The following ADGRB3 variants were observed in gnomAD, a reference collection of about 807,000 sequenced individuals.
The protein encoded by ADGRB3 is brain-specific angiogenesis inhibitor 3.
ADGRB3 carries 37 observed loss-of-function variants against 193.4 expected under a neutral mutation model. The ratio of observed to expected loss-of-function variants is 0.19; its 90% CI spans 0.15 to 0.25. The LOEUF (loss-of-function observed/expected upper bound fraction) is 0.25. Ranked by LOEUF, ADGRB3 falls within the 10% of genes least tolerant of loss-of-function variation. ADGRB3 has a pLI of 1.00. For missense variants in ADGRB3, 1,637 were observed against 1,852.9 expected, an observed-to-expected ratio of 0.88 and a Z score of 2.14; for synonymous variants, 690 against 644.2, an observed-to-expected ratio of 1.07 and a Z score of -1.08.
chr6:69,303,237 A>G (rs768390767), intron 20 of ADGRB3, among the ~76,000 whole-genome samples: 2 of 151,868 alleles, frequency 1.3e-5, no homozygotes, highest in Non-Finnish European at 2.9e-5. Flanking sequence ...ACTAAAGCAA[A>G]TGGTGGAAGA....
intron 3 of ADGRB3, among the ~76,000 whole-genome samples, chr6:68,726,054 A>G (rs755848485): frequency 6.6e-6 from 1 of 151,592 alleles, no homozygotes; most frequent in Non-Finnish European, 1.5e-5. Context: ...AAAATTCCCC[A>G]TATAATTTCT....
At chr6:69,254,861 C>CA (rs1228077529) in intron 20 of ADGRB3, among the ~76,000 whole-genome samples, 16 of 117,514 alleles carry the variant, frequency 1.4e-4, no homozygotes, top group Non-Finnish European at 2.6e-4. Context: ...TCCCCCCTCC[C>CA]CCCACCCCAC....
At chr6:68,782,092 G>C (rs1030545207) in intron 3 of ADGRB3, among the ~76,000 whole-genome samples, 2 of 149,874 alleles carry the variant, frequency 1.3e-5, no homozygotes, top group African/African-American at 4.9e-5. Context: ...TTTAGCATTA[G>C]GTATATCTCC....
At chr6:69,326,281 AT>A (rs1373715134) in intron 21 of ADGRB3, among the ~76,000 whole-genome samples, 6 of 152,292 alleles carry the variant, frequency 3.9e-5, no homozygotes, top group African/African-American at 1.4e-4. Flanking sequence ...TCTACTTAGA[AT>A]TTCATCAAAT....
chr6:69,174,815 T>C (rs950763423), intron 17 of ADGRB3, among the ~76,000 whole-genome samples: 1 of 152,228 alleles, frequency 6.6e-6, no homozygotes, highest in Non-Finnish European at 1.5e-5. Flanking sequence ...TGGCGTCAGA[T>C]GGTATCTCAT....
intron 3 of ADGRB3, among the ~76,000 whole-genome samples, chr6:68,869,892 C>T (rs1765408639): frequency 6.6e-6 from 1 of 152,174 alleles, no homozygotes; most frequent in Non-Finnish European, 1.5e-5. Flanking sequence ...GATTCTCTTG[C>T]CTCAGCCTCT....
intron 16 of ADGRB3, among the ~76,000 whole-genome samples, chr6:69,065,762 T>TACACACAC (rs1307673486): frequency 0.067 from 8,351 of 124,360 alleles, 289 homozygotes; most frequent in Non-Finnish European, 0.1. Flanking sequence ...CATGTATATA[T>TACACACAC]ATACACACAC....
chr6:69,247,653 T>C (rs1462251969), intron 20 of ADGRB3, among the ~76,000 whole-genome samples: 1 of 152,226 alleles, frequency 6.6e-6, no homozygotes, highest in Non-Finnish European at 1.5e-5. Context: ...CTATAAGTTA[T>C]CAATTCCTGA....
intron 17 of ADGRB3, among the ~76,000 whole-genome samples, chr6:69,113,108 T>C (rs1489505505): frequency 6.6e-6 from 1 of 152,182 alleles, no homozygotes; most frequent in Non-Finnish European, 1.5e-5. Context: ...ATGCAAATAC[T>C]ATGCTATTTT....
intron 17 of ADGRB3, among the ~76,000 whole-genome samples, chr6:69,106,179 A>AAG (rs1554143754): frequency 2.6e-4 from 36 of 140,822 alleles, no homozygotes; most frequent in Non-Finnish European, 3.6e-4. Context: ...AAAAAAAAAA[A>AAG]AAAAGAAAAG....
chr6:69,235,774 A>G (rs956025680), intron 19 of ADGRB3, among the ~76,000 whole-genome samples: 7 of 152,014 alleles, frequency 4.6e-5, no homozygotes, highest in African/African-American at 1.7e-4. Context: ...CTGATATATG[A>G]AAGCCTAGTA....
chr6:69,121,776 A>C (rs1386362193), intron 17 of ADGRB3, among the ~76,000 whole-genome samples: 1 of 140,530 alleles, frequency 7.1e-6, no homozygotes, highest in African/African-American at 2.7e-5. Flanking sequence ...ACCTCCCAAG[A>C]CGGGGTGGCG....
rs139462994 is a variant in ADGRB3 at position 68,743,153 on chromosome 6, C to A, written c.757+103721C>A. On this transcript the variant is annotated intron_variant, in intron 3 of 31. Transcript: ENST00000370598. ...ATTATAGATTCTTTCTCTGTTCCTT[C>A]TTTTATTGTTATTCCTATTACTTGG... 1.0e-2 allele frequency among the ~76,000 whole-genome samples: 1,515 copies of A among 152,052 alleles called. 25 individuals carry two copies. The highest frequency in any genetic ancestry group is 0.035 in the African/African-American group (1,443 of 41,522).
chr6:69,385,470 T>G (rs1032656334), intron 31 of ADGRB3, among the ~76,000 whole-genome samples: 2 of 152,088 alleles, frequency 1.3e-5, no homozygotes, highest in Non-Finnish European at 2.9e-5. Context: ...GCCATATTTT[T>G]GGGTGGCTCT....
intron 3 of ADGRB3, among the ~76,000 whole-genome samples, chr6:68,870,803 A>T (rs1765434312): frequency 6.6e-6 from 1 of 152,188 alleles, no homozygotes; most frequent in Non-Finnish European, 1.5e-5. Flanking sequence ...ATGAGGCTAG[A>T]CCAGTAAATA....
chr6:69,161,633 C>T (rs142300787), intron 17 of ADGRB3, among the ~76,000 whole-genome samples: 1 of 152,220 alleles, frequency 6.6e-6, no homozygotes, highest in African/African-American at 2.4e-5. Context: ...GTTATTATCT[C>T]ACAGTTGTCG....
chr6:68,865,226 A>G (rs1002543274), intron 3 of ADGRB3, among the ~76,000 whole-genome samples: 1 of 135,810 alleles, frequency 7.4e-6, no homozygotes, highest in Non-Finnish European at 1.6e-5. Flanking sequence ...CCCCATTAAT[A>G]TTTTGGATAT....
intron 3 of ADGRB3, among the ~76,000 whole-genome samples, chr6:68,865,353 G>T (rs952570442): frequency 6.6e-6 from 1 of 151,954 alleles, no homozygotes; most frequent in South Asian, 2.1e-4. Context: ...CTTATCCAAG[G>T]CTGAGGGATC....
chr6:68,952,598 T>C (rs998526517), intron 6 of ADGRB3, among the ~76,000 whole-genome samples: 6 of 152,118 alleles, frequency 3.9e-5, no homozygotes, highest in African/African-American at 1.2e-4. Flanking sequence ...CATATACATA[T>C]GTAACAAACC....
Sources: gnomAD v4.1 joint callset for allele counts (sites outside exome capture counted in the v4.1 genomes callset) on GRCh38, gnomAD v4.1.1 for gene constraint, MANE v1.5 for transcripts, NCBI Gene and HGNC (gene_info 2026-07-23, HGNC 2026-07-21) for gene names.